Variants in CCND3 observed in about 807,000 individuals in gnomAD.
CCND3 encodes the protein G1/S-specific cyclin-D3.
CCND3 carries 9 observed loss-of-function variants against 28.7 expected under a neutral mutation model. That is an observed-to-expected ratio of 0.31 (90% CI 0.19 to 0.55). The LOEUF is 0.55. CCND3 is among the 20% of genes least tolerant of loss of function. CCND3 has a pLI of 0.93. For synonymous variants in CCND3, 164 were observed against 163.9 expected, an observed-to-expected ratio of 1.00 and a Z score of 0.00; for missense variants, 315 against 385.8, an observed-to-expected ratio of 0.82 and a Z score of 1.54.
chr6:41,997,226 C>G (rs911349676), intron 1 of CCND3, among the ~76,000 whole-genome samples: 13 of 152,188 alleles, frequency 8.5e-5, no homozygotes, highest in African/African-American at 3.1e-4. Flanking sequence ...CGCATTTTCT[C>G]TGGAAAGACC....
At position 41,936,906 on chromosome 6, in the gene CCND3, A is replaced by G. The variant is rs1414232598; in HGVS notation, c.575-211T>C. On this transcript the variant is annotated intron_variant, in intron 3 of 4. Transcript: ENST00000372991. This position sits in a 1 kb window ranked among gnomAD's most constrained non-coding sequence, Gnocchi z 4.4. ...AGATCAGAACCAACTGCCAGTTTCC[A>G]TAGGTCCCGGGAATAGACAAGACAC... is the stretch of plus-strand genomic sequence containing the variant. The G allele has an allele frequency of 8.3e-6, 5 of 605,520 alleles. No homozygotes were observed. In the East Asian group the frequency reaches 8.4e-5, roughly 10 times the overall value. 37.5% of individuals were successfully genotyped at this position (605,520 alleles called of 1,614,324 possible).
chr6:42,018,470 T>C (rs10807273), intron 1 of CCND3: 33,325 of 152,040 alleles, frequency 0.22, 3,932 homozygotes, highest in Admixed American at 0.26. Context: ...GCTAATCTTC[T>C]CTGTATCGTT....
chr6:41,974,959 A>ATTTT (rs1249051102), intron 1 of CCND3, among the ~76,000 whole-genome samples: 1 of 151,544 alleles, frequency 6.6e-6, no homozygotes, highest in African/African-American at 2.4e-5. Flanking sequence ...CGCCCAGCTA[A>ATTTT]TTTTTGTATT....
chr6:41,951,415 A>G (rs1360408169), intron 1 of CCND3, among the ~76,000 whole-genome samples: 2 of 129,160 alleles, frequency 1.5e-5, no homozygotes, highest in African/African-American at 6.3e-5. Context: ...TTAGCCGGGC[A>G]TGGTAGCAGG....
chr6:42,040,344 G>C (rs1002869592), intron 1 of CCND3, among the ~76,000 whole-genome samples: 2 of 152,114 alleles, frequency 1.3e-5, no homozygotes, highest in African/African-American at 4.8e-5. Flanking sequence ...CTTGAACCTA[G>C]GAGGTGGAGG....
intron 1 of CCND3, among the ~76,000 whole-genome samples, chr6:41,951,310 C>T (rs894054642): frequency 1.3e-5 from 2 of 151,382 alleles, no homozygotes; most frequent in Non-Finnish European, 2.9e-5. Context: ...AATCCCAGCA[C>T]TTTGGGAGGC....
At chr6:41,969,317 T>G (rs1159605655) in intron 1 of CCND3, among the ~76,000 whole-genome samples, 1 of 151,594 alleles carries the variant, frequency 6.6e-6, no homozygotes, top group Admixed American at 6.6e-5. Context: ...ATTGAGACCA[T>G]CCTGGCCAAC....
chr6:42,022,773 G>A (rs1466761315), intron 1 of CCND3, among the ~76,000 whole-genome samples: 2 of 152,322 alleles, frequency 1.3e-5, no homozygotes, highest in South Asian at 2.1e-4. Context: ...AAGGGGAAAG[G>A]TGGCAGGGCA....
At chr6:41,982,553 T>C (rs143030809) in intron 1 of CCND3, among the ~76,000 whole-genome samples, 3 of 152,246 alleles carry the variant, frequency 2.0e-5, no homozygotes, top group South Asian at 2.1e-4. Context: ...ACCTCAGCAA[T>C]TGATTTTGCA....
At chr6:41,951,063 T>G (rs1161834123) in intron 1 of CCND3, among the ~76,000 whole-genome samples, 1 of 151,926 alleles carries the variant, frequency 6.6e-6, no homozygotes, top group African/African-American at 2.4e-5. Context: ...TGATCCTCCA[T>G]GATGCAGGAA....
intron 1 of CCND3, among the ~76,000 whole-genome samples, chr6:41,992,958 G>C (rs1762698044): frequency 6.6e-6 from 1 of 152,122 alleles, no homozygotes; most frequent in Non-Finnish European, 1.5e-5. Flanking sequence ...ATCCAGGCTG[G>C]AGTGCAGTTG....
At position 41,957,911 on chromosome 6, in the gene CCND3, C is replaced by G. The variant is rs553903990; in HGVS notation, c.-45-17326G>C. Among the ~76,000 whole-genome samples the G allele has an allele frequency of 6.0e-4, 91 of 152,122 alleles. 1 individual carries two copies. In the South Asian group the frequency reaches 0.016, roughly 27 times the overall value. On this transcript the variant is annotated intron_variant, in intron 1 of 4. Transcript: ENST00000372988. The stretch of plus-strand genomic sequence containing the variant: ...TGTTGTCCAAGCTGGTCTCGAACTC[C>G]TGGCCTCAAGCAATCCTCCTACCTC...
At chr6:42,024,948 C>T (rs886080990) in intron 1 of CCND3, among the ~76,000 whole-genome samples, 3 of 151,960 alleles carry the variant, frequency 2.0e-5, no homozygotes, top group Non-Finnish European at 2.9e-5. Context: ...ATCCTAGCTA[C>T]GTGGGAGGCT....
At position 41,989,268 on chromosome 6, in the gene CCND3, G is replaced by C. The variant is rs532519183; in HGVS notation, c.-45-48683C>G. 2.6e-5 allele frequency among the ~76,000 whole-genome samples: 4 copies of C among 151,852 alleles called. 1 individual carries two copies. The highest frequency in any genetic ancestry group is 9.6e-5 in the African/African-American group (4 of 41,456). On this transcript the variant is annotated intron_variant, in intron 1 of 4. Coordinates refer to the CCND3 transcript ENST00000372988. Reference sequence around the variant, plus strand: ...GAGGTAAGGAGTTCGAGATCGGCCTGGCCAACATGGTGAAACCCCATCTCT... The same window carrying C: ...GAGGTAAGGAGTTCGAGATCGGCCTCGCCAACATGGTGAAACCCCATCTCT...
At chr6:41,946,592 T>A (rs1275609224), upstream of CCND3, among the ~76,000 whole-genome samples, 1 of 33,288 alleles carries the variant, frequency 3.0e-5, no homozygotes, top group African/African-American at 1.7e-4. Context: ...CAGAGACCTG[T>A]CTCAAAAAAA....
At chr6:41,977,033 C>G (rs991307510) in intron 1 of CCND3, among the ~76,000 whole-genome samples, 21 of 152,204 alleles carry the variant, frequency 1.4e-4, no homozygotes, top group Non-Finnish European at 2.6e-4. Flanking sequence ...CTTTTACCCA[C>G]TCTCCTATCC....
intron 1 of CCND3, among the ~76,000 whole-genome samples, chr6:42,044,029 C>A (rs1403560981): frequency 6.6e-6 from 1 of 152,234 alleles, no homozygotes. Flanking sequence ...ATTAGCTACC[C>A]TGCTGGCTCG....
At chr6:41,943,806 A>T (rs1390108767), upstream of CCND3, among the ~76,000 whole-genome samples, 1 of 152,206 alleles carries the variant, frequency 6.6e-6, no homozygotes, top group South Asian at 2.1e-4. Flanking sequence ...AGTAATAATA[A>T]ATCTATTTTG....
intron 1 of CCND3, among the ~76,000 whole-genome samples, chr6:41,999,957 TAGAG>T (rs1244183629): frequency 1.3e-5 from 2 of 152,114 alleles, no homozygotes; most frequent in African/African-American, 2.4e-5. Flanking sequence ...CAGTAATTGA[TAGAG>T]AGGGCACACA....
Sources: allele counts gnomAD v4.1 joint callset (sites outside exome capture counted in the v4.1 genomes callset), GRCh38; gene constraint gnomAD v4.1.1; non-coding constraint Gnocchi (gnomAD v3.1); transcripts MANE v1.5; gene names NCBI Gene and HGNC (gene_info 2026-07-23, HGNC 2026-07-21).